RGS6: variants seen among roughly 807,000 people sequenced by gnomAD.
RGS6 encodes regulator of G-protein signaling 6.
In RGS6, 30 loss-of-function variants were observed where a neutral mutation model predicts 78.5. The observed-to-expected ratio is 0.38, with a 90% CI of 0.29 to 0.52. The LOEUF is 0.52. RGS6 is among the 20% of genes least tolerant of loss of function. RGS6 has a pLI of 0.85. For missense variants in RGS6, 495 were observed against 609.7 expected (o/e 0.81, Z 1.98); for synonymous variants, 206 against 206.0 (o/e 1.00, Z 0.00).
At chr14:72,179,541 A>G (rs529439660) in intron 2 of RGS6, among the ~76,000 whole-genome samples, 6 of 152,276 alleles carry the variant, frequency 3.9e-5, no homozygotes, top group East Asian at 1.9e-4. Flanking sequence ...GTGTGTCCCT[A>G]CTATATGCAA....
intron 2 of RGS6, among the ~76,000 whole-genome samples, chr14:72,082,872 C>T (rs941297984): frequency 6.6e-6 from 1 of 151,992 alleles, no homozygotes; most frequent in Non-Finnish European, 1.5e-5. Context: ...GCTTTTGGCT[C>T]CAAGTTACAA....
intron 2 of RGS6, among the ~76,000 whole-genome samples, chr14:72,304,379 A>G (rs934843459): frequency 6.6e-6 from 1 of 152,204 alleles, no homozygotes; most frequent in African/African-American, 2.4e-5. Context: ...TTTTCCTAAT[A>G]AGTGCACAGA....
At chr14:71,938,551 TC>T (rs1407054275) in intron 1 of RGS6, among the ~76,000 whole-genome samples, 1 of 152,144 alleles carries the variant, frequency 6.6e-6, no homozygotes, top group African/African-American at 2.4e-5. Context: ...GATAGGGAAC[TC>T]CCCATGAGGC....
At chr14:72,228,276 G>C (rs540853086) in intron 2 of RGS6, among the ~76,000 whole-genome samples, 4 of 152,110 alleles carry the variant, frequency 2.6e-5, no homozygotes, top group African/African-American at 9.7e-5. Context: ...AGCTACTTGG[G>C]AGGCTGAGGC....
the RGS6 span, among the ~76,000 whole-genome samples, chr14:72,602,004 T>C: frequency 6.6e-6 from 1 of 152,198 alleles, no homozygotes; most frequent in African/African-American, 2.4e-5. Context: ...AACTTCATAA[T>C]CCGAGATGAT....
intron 3 of RGS6, among the ~76,000 whole-genome samples, chr14:72,366,002 A>T (rs1023009848): frequency 3.9e-5 from 6 of 152,142 alleles, no homozygotes; most frequent in Non-Finnish European, 5.9e-5. Flanking sequence ...AGAGATATGT[A>T]TGGATTTGGG....
chr14:72,501,636 A>G (rs2096728011), intron 13 of RGS6, among the ~76,000 whole-genome samples: 1 of 152,192 alleles, frequency 6.6e-6, no homozygotes, highest in Admixed American at 6.5e-5. Context: ...TCATCTGAAA[A>G]CCACCAGGAG....
chr14:71,888,110 C>G, the RGS6 span, among the ~76,000 whole-genome samples: 1 of 152,046 alleles, frequency 6.6e-6, no homozygotes, highest in Non-Finnish European at 1.5e-5. Context: ...AAAGAACCTA[C>G]GTTGAAATAT....
intron 2 of RGS6, among the ~76,000 whole-genome samples, chr14:71,997,545 T>C (rs4899412): frequency 0.69 from 105,313 of 152,086 alleles, 36,910 homozygotes; most frequent in East Asian, 0.78. Context: ...CTTTTCAAAA[T>C]GTCTGTGTCC....
At chr14:72,260,215 A>G (rs2153882672) in intron 2 of RGS6, among the ~76,000 whole-genome samples, 1 of 152,234 alleles carries the variant, frequency 6.6e-6, no homozygotes, top group Admixed American at 6.5e-5. Flanking sequence ...ATCCTTGTAA[A>G]GTTGTTATTT....
chr14:71,967,757 A>G (rs2093607587), intron 2 of RGS6, among the ~76,000 whole-genome samples: 1 of 152,186 alleles, frequency 6.6e-6, no homozygotes, highest in Non-Finnish European at 1.5e-5. Flanking sequence ...AATCTAGAGA[A>G]ATGAAGCTTT....
At chr14:72,483,412 T>C (rs1163786083) in intron 12 of RGS6, among the ~76,000 whole-genome samples, 1 of 152,180 alleles carries the variant, frequency 6.6e-6, no homozygotes, top group Non-Finnish European at 1.5e-5. Context: ...TCATCTCACT[T>C]GCCTGTATCT....
At chr14:71,954,183 C>T (rs965541343) in intron 1 of RGS6, among the ~76,000 whole-genome samples, 9 of 151,628 alleles carry the variant, frequency 5.9e-5, no homozygotes, top group African/African-American at 2.2e-4. Context: ...TTGGTGTTTA[C>T]TGACTTTTCT....
intron 2 of RGS6, among the ~76,000 whole-genome samples, chr14:71,978,595 G>C (rs1416836815): frequency 8.3e-6 from 1 of 120,710 alleles, no homozygotes; most frequent in Non-Finnish European, 1.8e-5. Flanking sequence ...AACCAGCCTT[G>C]CATCCCAGGG....
chr14:72,306,090 C>T (rs1264541153), intron 2 of RGS6, among the ~76,000 whole-genome samples: 1 of 152,208 alleles, frequency 6.6e-6, no homozygotes, highest in African/African-American at 2.4e-5. Flanking sequence ...AGCCAATGCT[C>T]ATTTACCATT....
intron 2 of RGS6, among the ~76,000 whole-genome samples, chr14:72,110,777 T>C (rs1347776188): frequency 6.6e-6 from 1 of 152,176 alleles, no homozygotes; most frequent in African/African-American, 2.4e-5. Flanking sequence ...TCTTCTATAT[T>C]CATTGACCCA....
intron 2 of RGS6, among the ~76,000 whole-genome samples, chr14:72,238,477 C>G (rs2051787800): frequency 6.6e-6 from 1 of 152,152 alleles, no homozygotes; most frequent in Non-Finnish European, 1.5e-5. Context: ...TCCTCCCTTC[C>G]CCCCAAGCAT....
intron 2 of RGS6, among the ~76,000 whole-genome samples, chr14:72,091,108 C>A (rs1045355241): frequency 7.2e-6 from 1 of 139,852 alleles, no homozygotes; most frequent in African/African-American, 2.6e-5. Flanking sequence ...CAGCTGCCTT[C>A]CTCCAGGGAG....
At chr14:72,409,668 T>A (rs1233139180) in intron 3 of RGS6, among the ~76,000 whole-genome samples, 1 of 152,140 alleles carries the variant, frequency 6.6e-6, no homozygotes, top group Non-Finnish European at 1.5e-5. Flanking sequence ...ACCCATTAAC[T>A]CATCATTTAG....
Sources: gnomAD v4.1 joint callset for allele counts (sites outside exome capture counted in the v4.1 genomes callset) on GRCh38, gnomAD v4.1.1 for gene constraint, MANE v1.5 for transcripts, NCBI Gene and HGNC (gene_info 2026-07-23, HGNC 2026-07-21) for gene names.